The following SLC9C1 variants were observed in gnomAD, a reference collection of about 807,000 sequenced individuals.
The protein encoded by SLC9C1 is sodium/hydrogen exchanger 10.
Under a neutral mutation model 140.9 loss-of-function variants are expected in SLC9C1, and 97 were observed. The observed-to-expected ratio is 0.69, with a 90% CI of 0.58 to 0.82. The LOEUF (loss-of-function observed/expected upper bound fraction) is 0.82, where lower values mean the gene tolerates loss of function less well. Among genes scored for constraint, SLC9C1 ranks in the 40% least tolerant of loss-of-function variants. SLC9C1 has a pLI of 0.00. For missense variants in SLC9C1, 1,340 were observed against 1,389.3 expected (o/e 0.96, Z 0.56); for synonymous variants, 440 against 442.6 (o/e 0.99, Z 0.07).
At chr3:112,202,432 T>C (rs751795752) in intron 17 of SLC9C1, 33 bp from the exon 18 acceptor site, 1 of 1,549,290 alleles carries the variant, frequency 6.5e-7, no homozygotes, top group Admixed American at 2.0e-5. Flanking sequence ...TAATATAAAT[T>C]GCACAAATAT....
At chr3:112,219,713 G>A (rs2078487066) in intron 14 of SLC9C1, among the ~76,000 whole-genome samples, 1 of 152,036 alleles carries the variant, frequency 6.6e-6, no homozygotes, top group Non-Finnish European at 1.5e-5. Context: ...TGAGTAGCTG[G>A]GACTACAGGT....
chr3:112,242,971 C>T (rs376470960), intron 11 of SLC9C1, among the ~76,000 whole-genome samples: 1 of 152,056 alleles, frequency 6.6e-6, no homozygotes, highest in Non-Finnish European at 1.5e-5. Context: ...AATGAGATAC[C>T]ATCTCACACC....
chr3:112,177,742 A>G (rs895250294), intron 23 of SLC9C1, among the ~76,000 whole-genome samples: 3 of 150,312 alleles, frequency 2.0e-5, no homozygotes, highest in African/African-American at 7.3e-5. Context: ...AAAAAATTAA[A>G]TAGAAAAAAA....
At chr3:112,195,233 C>T (rs2077744561) in intron 20 of SLC9C1, among the ~76,000 whole-genome samples, 1 of 152,044 alleles carries the variant, frequency 6.6e-6, no homozygotes, top group African/African-American at 2.4e-5. Context: ...ACCATGTTTT[C>T]TTCTAAGAGT....
chr3:112,239,034 A>G (rs892850419), intron 12 of SLC9C1, among the ~76,000 whole-genome samples: 1 of 152,186 alleles, frequency 6.6e-6, no homozygotes, highest in African/African-American at 2.4e-5. Context: ...CCTTTTGTTC[A>G]GCTATGCCCT....
chr3:112,180,346 A>C (rs1292204549), intron 22 of SLC9C1, among the ~76,000 whole-genome samples: 6 of 152,106 alleles, frequency 3.9e-5, no homozygotes, highest in Admixed American at 2.6e-4. Flanking sequence ...ACACGGTGAA[A>C]CCCCGTTTCC....
Position 112,167,251 on chromosome 3 carries a change from G to A in SLC9C1, c.3334C>T (p.His1112Tyr), listed in dbSNP as rs375289078. Residue 1112 changes from histidine to tyrosine, a missense_variant, in exon 26 of 29, where the codon CAT becomes TAT. Transcript: ENST00000305815. Reference protein sequence around the residue: ...RRNIRKFVPKHKSYLTPGLIG... With the variant: ...RRNIRKFVPKYKSYLTPGLIG... ...AATCCTGGTGTAAGATAACTTTTATGTTTAGGAACAAACTTTCTAATATTC... is the reference window on the plus strand; with the variant it reads ...AATCCTGGTGTAAGATAACTTTTATATTTAGGAACAAACTTTCTAATATTC... 31 of 1,609,662 alleles carry A rather than the reference G, an allele frequency of 1.9e-5. No individual in the cohort carries two copies. The highest frequency in any genetic ancestry group is 1.7e-4 in the Middle Eastern group (1 of 6,052).
Position 112,278,840 on chromosome 3 carries a change from G to A in SLC9C1, c.207C>T (p.Asn69=), listed in dbSNP as rs180906401. The A allele has an allele frequency of 1.1e-5, 18 of 1,604,890 alleles. No homozygotes were observed. Among genetic ancestry groups the A allele is most frequent in the South Asian group, 6.7e-5 (6 of 89,118 alleles). The stretch of plus-strand genomic sequence containing the variant: ...AGTCTGGACTCATCCATTGTATGGC[G>A]TTTGCGTATCTTTGGACCTAATATT... ...FTSSQVQRYA[N]AIQWMSPDLF... is the part of the protein sequence containing the mutation. The change falls in exon 4 of 29, where the codon AAC becomes AAT. Residue 69 remains asparagine, a synonymous_variant. Transcript: ENST00000305815.
chr3:112,188,235 A>T (rs1265949595), intron 20 of SLC9C1, among the ~76,000 whole-genome samples: 1 of 151,976 alleles, frequency 6.6e-6, no homozygotes, highest in Non-Finnish European at 1.5e-5. Context: ...TAAAGTTTTA[A>T]TTTTTTTATT....
At chr3:112,178,173 TCTGTTACCAGTCTGGA>T (rs2107946978) in intron 23 of SLC9C1, among the ~76,000 whole-genome samples, 1 of 151,898 alleles carries the variant, frequency 6.6e-6, no homozygotes, top group Non-Finnish European at 1.5e-5. Context: ...AGAGTCTGGC[TCTGTTACCAGTCTGGA>T]GTGCAGTGGT....
At chr3:112,200,460 T>A (rs1160601566) in intron 19 of SLC9C1, among the ~76,000 whole-genome samples, 1 of 152,078 alleles carries the variant, frequency 6.6e-6, no homozygotes, top group African/African-American at 2.4e-5. Context: ...AATCATAGCA[T>A]GCCAACTTGT....
chr3:112,236,448 G>A lies in SLC9C1; in HGVS notation c.1446+3392C>T, dbSNP rs2078989227. On this transcript the variant is annotated intron_variant, in intron 12 of 28. Coordinates refer to ENST00000305815, the MANE Select transcript of SLC9C1 (RefSeq NM_183061.3). Reference sequence around the variant, plus strand: ...CCTGGATTCATTGATTTTTTGAAGGGATTTTATGTCTCTATTTCCTTCAGT... The same window carrying A: ...CCTGGATTCATTGATTTTTTGAAGGAATTTTATGTCTCTATTTCCTTCAGT... Among the ~76,000 whole-genome samples, 3 of 151,956 alleles carry A rather than the reference G, an allele frequency of 2.0e-5. No individual in the cohort carries two copies. In the South Asian group the frequency reaches 6.2e-4, roughly 31 times the overall value.
At chr3:112,208,154 A>G in intron 16 of SLC9C1, 24 bp downstream of exon 16, 1 of 1,549,902 alleles carries the variant, frequency 6.5e-7, no homozygotes, top group Non-Finnish European at 8.7e-7. Context: ...TAACACTTCC[A>G]TACACACATA....
intron 20 of SLC9C1, among the ~76,000 whole-genome samples, chr3:112,193,198 C>T (rs2077700217): frequency 6.6e-6 from 1 of 152,172 alleles, no homozygotes; most frequent in Admixed American, 6.5e-5. Flanking sequence ...CGGACTGCCT[C>T]TCAAGTTGGG....
chr3:112,240,944 T>C (rs952374708), intron 11 of SLC9C1, among the ~76,000 whole-genome samples: 1 of 148,782 alleles, frequency 6.7e-6, no homozygotes, highest in Non-Finnish European at 1.5e-5. Flanking sequence ...CTCATGGACA[T>C]AGAGGGTAGA....
chr3:112,266,888 T>C (rs1252561981), intron 7 of SLC9C1, among the ~76,000 whole-genome samples: 1 of 152,216 alleles, frequency 6.6e-6, no homozygotes, highest in Non-Finnish European at 1.5e-5. Context: ...TGTAGACCTA[T>C]TAAAACATTT....
intron 28 of SLC9C1, chr3:112,147,501 A>C (rs1243413406): frequency 2.4e-6 from 1 of 421,836 alleles, no homozygotes; most frequent in Non-Finnish European, 4.7e-6. Flanking sequence ...TTCCCTTAGC[A>C]CTTTCTTGTC....
chr3:112,170,572 A>G (rs1427428488), intron 23 of SLC9C1, among the ~76,000 whole-genome samples: 3 of 152,232 alleles, frequency 2.0e-5, no homozygotes, highest in Non-Finnish European at 4.4e-5. Context: ...AAGATAAAAT[A>G]TAGAAAACAA....
chr3:112,251,848 T>A (rs1193140204), intron 10 of SLC9C1, among the ~76,000 whole-genome samples: 1 of 152,178 alleles, frequency 6.6e-6, no homozygotes, highest in African/African-American at 2.4e-5. Context: ...TGGGTATCCA[T>A]GCTTCTCCCA....
Sources: gnomAD v4.1 joint callset for allele counts (sites outside exome capture counted in the v4.1 genomes callset) on GRCh38, gnomAD v4.1.1 for gene constraint, MANE v1.5 for transcripts, NCBI Gene and HGNC (gene_info 2026-07-23, HGNC 2026-07-21) for gene names.